The following LMAN1 variants were observed in gnomAD, a reference collection of about 807,000 sequenced individuals.
LMAN1 encodes protein ERGIC-53.
LMAN1 carries 32 observed loss-of-function variants against 67.8 expected under a neutral mutation model. The ratio of observed to expected loss-of-function variants is 0.47; its 90% CI spans 0.36 to 0.63. LMAN1 has a LOEUF of 0.63. Ranked by LOEUF, LMAN1 falls within the 30% of genes least tolerant of loss-of-function variation. The pLI is 0.00. For missense variants in LMAN1, 632 were observed against 628.2 expected (o/e 1.01, Z -0.06); for synonymous variants, 235 against 219.3 (o/e 1.07, Z -0.63).
rs747277012 is a variant in LMAN1 at position 59,331,142 on chromosome 18, A to T, written c.1497-13T>A. On this transcript the variant is annotated splice_polypyrimidine_tract_variant and intron_variant, in intron 12 of 12. Transcript: ENST00000251047. Reference sequence around the variant, plus strand: ...TTCTTGCTGAGACCTAATGAAAAAAAGAAACAAACACTTAAAGAAGTTCTA... The same window carrying T: ...TTCTTGCTGAGACCTAATGAAAAAATGAAACAAACACTTAAAGAAGTTCTA... 2 of 1,608,894 alleles carry T rather than the reference A, an allele frequency of 1.2e-6. No individual in the cohort carries two copies. The highest frequency in any genetic ancestry group is 1.7e-6 in the Non-Finnish European group (2 of 1,176,480).
At chr18:59,347,490 T>C in intron 7 of LMAN1, 23 bp downstream of exon 7, 1 of 1,587,262 alleles carries the variant, frequency 6.3e-7, no homozygotes, top group Non-Finnish European at 8.6e-7. Context: ...TGATAAAGTT[T>C]TTGAAAATAT....
chr18:59,345,998 T>C lies in LMAN1; in HGVS notation c.876A>G (p.Glu292=). 1 of 1,613,844 alleles carries C rather than the reference T, an allele frequency of 6.2e-7. No homozygotes were observed. The highest frequency in any genetic ancestry group is 8.5e-7 in the Non-Finnish European group (1 of 1,179,836). ...CCAATTCTTGTTGAAAGTGCTCAAA[T>C]TCCTCCTGATACTTTTCTTTTTCCT... The part of the protein sequence containing the change: ...SEKEKEKYQE[E]FEHFQQELDK... The change falls in exon 8 of 13, where the codon GAA becomes GAG. Residue 292 remains glutamate, a synonymous_variant. Coordinates refer to ENST00000251047, the MANE Select transcript of LMAN1 (RefSeq NM_005570.4).
At chr18:59,340,498 A>G (rs1908262929) in intron 8 of LMAN1, among the ~76,000 whole-genome samples, 1 of 147,278 alleles carries the variant, frequency 6.8e-6, no homozygotes, top group Non-Finnish European at 1.5e-5. Context: ...CTAATAAAAG[A>G]AAAAAAAAAA....
Position 59,338,470 on chromosome 18 carries a change from T to C in LMAN1, c.1220+87A>G, listed in dbSNP as rs1362623734. On this transcript the variant is annotated intron_variant, in intron 10 of 12. Coordinates refer to ENST00000251047, the MANE Select transcript of LMAN1 (RefSeq NM_005570.4). Reference sequence around the variant, plus strand: ...GGATTCTTACCCTCATGCAGAAATCTTGCAATACAGTGCTTGCACACCTGA... The same window carrying C: ...GGATTCTTACCCTCATGCAGAAATCCTGCAATACAGTGCTTGCACACCTGA... The C allele has an allele frequency of 9.0e-6, 9 of 998,414 alleles. No homozygotes were observed. The East Asian group carries it at 2.2e-4, about 25-fold the overall frequency. 61.8% of individuals were successfully genotyped at this position (998,414 alleles called of 1,614,324 possible). A position where few individuals can be genotyped will look rare whatever the true frequency, so the allele number is the denominator to read the frequency against.
chr18:59,350,390 A>G (rs1908513985), intron 5 of LMAN1, among the ~76,000 whole-genome samples: 1 of 152,200 alleles, frequency 6.6e-6, no homozygotes, highest in African/African-American at 2.4e-5. Flanking sequence ...ATTACATTCA[A>G]ATTACAATAC....
chr18:59,341,338 G>A (rs1213946229), intron 8 of LMAN1, among the ~76,000 whole-genome samples: 2 of 151,990 alleles, frequency 1.3e-5, no homozygotes, highest in Non-Finnish European at 2.9e-5. Context: ...GGCTTAAATT[G>A]GACTTTAGAC....
chr18:59,334,358 T>A (rs1000161220), intron 10 of LMAN1, among the ~76,000 whole-genome samples: 1 of 152,220 alleles, frequency 6.6e-6, no homozygotes, highest in Non-Finnish European at 1.5e-5. Flanking sequence ...GCAAGAAGAA[T>A]GAAATATCTG....
chr18:59,357,306 G>A (rs1226425532), intron 1 of LMAN1, among the ~76,000 whole-genome samples: 3 of 152,180 alleles, frequency 2.0e-5, no homozygotes, highest in African/African-American at 7.2e-5. Flanking sequence ...AGGAAGTCAA[G>A]GTAGCTGATT....
At chr18:59,353,038 C>T in intron 5 of LMAN1, 164 bp downstream of exon 5, 1 of 648,230 alleles carries the variant, frequency 1.5e-6, no homozygotes, top group South Asian at 1.6e-5. Flanking sequence ...AACAGATGAC[C>T]ACTTACACTG....
chr18:59,346,514 C>T (rs538880524), intron 7 of LMAN1, among the ~76,000 whole-genome samples: 99 of 151,682 alleles, frequency 6.5e-4, no homozygotes, highest in Admixed American at 4.3e-3. Flanking sequence ...CGTGAACCAC[C>T]GCGCCTGGCC....
chr18:59,349,294 A>G, intron 5 of LMAN1, 58 bp from the exon 6 acceptor site: 1 of 1,489,314 alleles, frequency 6.7e-7, no homozygotes, highest in South Asian at 1.1e-5. Flanking sequence ...ATAAATTTCA[A>G]TCGATCCATT....
In LMAN1 at chr18:59,359,207, A is replaced by G. The variant is rs143837057; in HGVS notation, c.38T>C (p.Val13Ala). 97 of 1,613,804 alleles carry G rather than the reference A, an allele frequency of 6.0e-5. No individual in the cohort carries two copies. The African/African-American group carries it at 1.3e-3, about 21-fold the overall frequency. Residue 13 changes from valine (V) to alanine (A), a missense_variant, in exon 1 of 13, where the codon GTT (valine) becomes GCT (alanine). Val to Ala is a moderately conservative substitution (Grantham distance 64). Coordinates refer to ENST00000251047, the MANE Select transcript of LMAN1 (RefSeq NM_005570.4). ...CAGCAAGGCGCAGAACAGCGGCCGA[A>G]CTCTGGCCCGGAGACCCCTTTGCCT... is the stretch of plus-strand genomic sequence containing the variant. ...GSRQRGLRAR[V>A]RPLFCALLLS...
intron 11 of LMAN1, among the ~76,000 whole-genome samples, chr18:59,332,713 G>C (rs1013669191): frequency 6.6e-6 from 1 of 152,022 alleles, no homozygotes; most frequent in African/African-American, 2.4e-5. Context: ...ACGAAACCTG[G>C]GTGAAGGTAA....
intron 6 of LMAN1, among the ~76,000 whole-genome samples, 161 bp from the exon 7 acceptor site, chr18:59,347,732 G>A (rs1030086354): frequency 6.6e-6 from 1 of 152,220 alleles, no homozygotes; most frequent in African/African-American, 2.4e-5. Context: ...CACTCTGTGA[G>A]CTTAGAGACC....
rs1048927250 is a variant in LMAN1, at chr18:59,347,590, A to G, written c.764-19T>C. 3.0e-5 allele frequency: 45 copies of G among 1,507,948 alleles called. No homozygotes were observed. The highest frequency in any genetic ancestry group is 3.8e-5 in the Non-Finnish European group (41 of 1,092,582). 93.4% of individuals were successfully genotyped at this position (1,507,948 alleles called of 1,614,324 possible). ...TGGTCATCTACAAATTAAAAAAAAAAAAGTCTGAAAAAGTTCCATAGGAGA... is the reference window on the plus strand; with the variant it reads ...TGGTCATCTACAAATTAAAAAAAAAGAAGTCTGAAAAAGTTCCATAGGAGA... On this transcript the variant is annotated intron_variant, in intron 6 of 12. Transcript: ENST00000251047.
chr18:59,347,115 C>T (rs62094059), intron 7 of LMAN1, among the ~76,000 whole-genome samples: 20,718 of 151,534 alleles, frequency 0.14, 1,588 homozygotes, highest in Non-Finnish European at 0.18. Flanking sequence ...CCTGTAGTCC[C>T]AGCTACTCAG....
chr18:59,336,123 T>TC (rs1908141296), intron 10 of LMAN1, among the ~76,000 whole-genome samples: 1 of 152,190 alleles, frequency 6.6e-6, no homozygotes, highest in African/African-American at 2.4e-5. Flanking sequence ...AACTACAGAC[T>TC]CATGTACATG....
chr18:59,356,763 T>C (rs1189760514), intron 1 of LMAN1, among the ~76,000 whole-genome samples: 5 of 152,206 alleles, frequency 3.3e-5, no homozygotes, highest in African/African-American at 1.2e-4. Flanking sequence ...TATGTATCCT[T>C]TTTCAAAAAC....
intron 8 of LMAN1, among the ~76,000 whole-genome samples, chr18:59,340,730 G>A (rs547195490): frequency 1.3e-5 from 2 of 152,262 alleles, no homozygotes; most frequent in African/African-American, 4.8e-5. Flanking sequence ...TCACAGAGGG[G>A]AGGAAGATGT....
Sources: allele counts gnomAD v4.1 joint callset (sites outside exome capture counted in the v4.1 genomes callset), GRCh38; gene constraint gnomAD v4.1.1; transcripts MANE v1.5; gene names NCBI Gene and HGNC (gene_info 2026-07-23, HGNC 2026-07-21).